The following CACNA2D3 variants were observed in gnomAD, a reference collection of about 807,000 sequenced individuals.
CACNA2D3 encodes the protein calcium voltage-gated channel auxiliary subunit alpha2delta 3.
A neutral mutation model predicts 160.6 loss-of-function variants in CACNA2D3; 60 were observed. The ratio of observed to expected loss-of-function variants is 0.37; its 90% CI spans 0.30 to 0.46. The LOEUF (loss-of-function observed/expected upper bound fraction) is 0.46, where lower values mean the gene tolerates loss of function less well. Ranked by LOEUF, CACNA2D3 falls within the 20% of genes least tolerant of loss-of-function variation. The pLI is 1.00. For synonymous variants in CACNA2D3, 558 were observed against 492.9 expected (o/e 1.13, Z -1.75); for missense variants, 1,205 against 1,365.0 (o/e 0.88, Z 1.85).
chr3:54,366,651 C>G (rs1457990548), intron 3 of CACNA2D3, among the ~76,000 whole-genome samples: 2 of 152,176 alleles, frequency 1.3e-5, no homozygotes, highest in Non-Finnish European at 2.9e-5. Flanking sequence ...CTTTATACAA[C>G]TGAAAAACCA....
intron 27 of CACNA2D3, among the ~76,000 whole-genome samples, chr3:54,937,971 A>G (rs141760553): frequency 6.4e-4 from 98 of 152,350 alleles, no homozygotes; most frequent in African/African-American, 2.3e-3. Context: ...GACCATAACC[A>G]GAGAAAAGCC....
chr3:54,301,138 T>C (rs1191371333), intron 2 of CACNA2D3, among the ~76,000 whole-genome samples: 3 of 151,898 alleles, frequency 2.0e-5, no homozygotes, highest in African/African-American at 7.3e-5. Context: ...AGATGTGTAG[T>C]CCCAGCTACT....
chr3:54,384,160 T>A (rs554174354), intron 3 of CACNA2D3, among the ~76,000 whole-genome samples: 33 of 152,328 alleles, frequency 2.2e-4, no homozygotes, highest in Non-Finnish European at 3.8e-4. Flanking sequence ...GTCTTGGTAA[T>A]TGTGTAGTTT....
intron 27 of CACNA2D3, among the ~76,000 whole-genome samples, chr3:54,963,305 G>T (rs1160594651): frequency 6.6e-6 from 1 of 151,998 alleles, no homozygotes; most frequent in Non-Finnish European, 1.5e-5. Context: ...GTGGAGAATT[G>T]TACCTTCCAT....
chr3:54,754,298 A>G (rs1220727852), intron 12 of CACNA2D3, among the ~76,000 whole-genome samples: 1 of 152,212 alleles, frequency 6.6e-6, no homozygotes, highest in Non-Finnish European at 1.5e-5. Flanking sequence ...GTCGTATCCA[A>G]GTCGAGCAGT....
chr3:54,676,636 G>T (rs1575417961), intron 11 of CACNA2D3, among the ~76,000 whole-genome samples: 1 of 152,188 alleles, frequency 6.6e-6, no homozygotes, highest in Non-Finnish European at 1.5e-5. Context: ...CTTCCCATAG[G>T]CTGGCAGGAA....
intron 27 of CACNA2D3, among the ~76,000 whole-genome samples, chr3:54,933,105 CTTCCTTCCTTCTTTCT>C (rs1317870221): frequency 0.026 from 2,104 of 81,392 alleles, 30 homozygotes; most frequent in Non-Finnish European, 0.036. Flanking sequence ...TCCTTCCTTC[CTTCCTTCCTTCTTTCT>C]GGACCTCTGC....
At position 54,421,630 on chromosome 3, in the gene CACNA2D3, C is replaced by T. The variant is rs142638693; in HGVS notation, c.381+34856C>T. 4.3e-4 allele frequency among the ~76,000 whole-genome samples: 66 copies of T among 152,104 alleles called. No individual in the cohort carries two copies. The East Asian group carries it at 0.012, about 28-fold the overall frequency. ...TGGACTCCACAGAGGGGTGGGGCAGCGGTTGTTGTCATATTTGCTTTTTCT... is the reference window on the plus strand; with the variant it reads ...TGGACTCCACAGAGGGGTGGGGCAGTGGTTGTTGTCATATTTGCTTTTTCT... On this transcript the variant is annotated intron_variant, in intron 4 of 37. Coordinates refer to ENST00000474759, the MANE Select transcript of CACNA2D3 (RefSeq NM_018398.3).
At position 54,960,712 on chromosome 3, in the gene CACNA2D3, C is replaced by T. The variant is rs551438990; in HGVS notation, c.2450-7738C>T. Among the ~76,000 whole-genome samples, 15 of 152,284 alleles carry T rather than the reference C, an allele frequency of 9.9e-5. No individual in the cohort carries two copies. The South Asian group carries it at 2.1e-3, about 21-fold the overall frequency. On this transcript the variant is annotated intron_variant, in intron 27 of 37. Transcript: ENST00000474759. ...TTCCCTTCCTTCCCCCTCATCTTCCCGAGGATACTCTGTTCTCAGTTTTGC... is the reference window on the plus strand; with the variant it reads ...TTCCCTTCCTTCCCCCTCATCTTCCTGAGGATACTCTGTTCTCAGTTTTGC...
intron 37 of CACNA2D3, 122 bp from the exon 38 acceptor site, chr3:55,073,992 C>T: frequency 2.8e-6 from 3 of 1,078,042 alleles, no homozygotes; most frequent in Non-Finnish European, 4.2e-6. Flanking sequence ...ACTGAATCTG[C>T]ACCATCATCT....
chr3:54,314,140 G>C (rs372716721), intron 2 of CACNA2D3, among the ~76,000 whole-genome samples: 1 of 152,130 alleles, frequency 6.6e-6, no homozygotes, highest in African/African-American at 2.4e-5. Context: ...CCACTTATAA[G>C]TGAGAACATA....
intron 13 of CACNA2D3, among the ~76,000 whole-genome samples, chr3:54,802,575 C>G (rs1410066252): frequency 6.6e-6 from 1 of 152,022 alleles, no homozygotes; most frequent in Non-Finnish European, 1.5e-5. Context: ...TGGTGTGTAC[C>G]TAAGAGATAC....
At chr3:55,009,739 TG>T (rs1703170158) in intron 34 of CACNA2D3, among the ~76,000 whole-genome samples, 1 of 152,212 alleles carries the variant, frequency 6.6e-6, no homozygotes, top group African/African-American at 2.4e-5. Flanking sequence ...TCATGGGCAA[TG>T]CTGAAATAGA....
chr3:54,656,495 G>C (rs1174570925), intron 11 of CACNA2D3, among the ~76,000 whole-genome samples: 3 of 152,214 alleles, frequency 2.0e-5, no homozygotes, highest in African/African-American at 7.2e-5. Flanking sequence ...GCCTGTCCAT[G>C]AACTCATCGG....
chr3:54,461,089 C>A (rs1031677292), intron 4 of CACNA2D3, among the ~76,000 whole-genome samples: 17 of 151,856 alleles, frequency 1.1e-4, no homozygotes, highest in African/African-American at 3.4e-4. Context: ...TATTGATTTG[C>A]GTATATTGAA....
chr3:54,594,808 C>G (rs1328675523), intron 9 of CACNA2D3, among the ~76,000 whole-genome samples: 1 of 152,136 alleles, frequency 6.6e-6, no homozygotes, highest in Non-Finnish European at 1.5e-5. Context: ...ACCTGGGGTC[C>G]TGGGCCCAGA....
At chr3:54,230,515 A>G (rs1411824222) in intron 2 of CACNA2D3, among the ~76,000 whole-genome samples, 2 of 152,350 alleles carry the variant, frequency 1.3e-5, no homozygotes, top group East Asian at 3.9e-4. Context: ...CTATGAATAA[A>G]AGGCTCATCT....
intron 4 of CACNA2D3, among the ~76,000 whole-genome samples, chr3:54,403,197 TA>T (rs1158154301): frequency 6.6e-6 from 1 of 150,772 alleles, no homozygotes; most frequent in Non-Finnish European, 1.5e-5. Flanking sequence ...CTGCAAAAAA[TA>T]AAAAAAAGTA....
At chr3:54,317,103 GT>G (rs1703880619) in intron 2 of CACNA2D3, among the ~76,000 whole-genome samples, 1 of 152,152 alleles carries the variant, frequency 6.6e-6, no homozygotes, top group East Asian at 1.9e-4. Context: ...TTCAATGTTG[GT>G]TTTTGGAGCA....
Sources: gnomAD v4.1 joint callset for allele counts (sites outside exome capture counted in the v4.1 genomes callset) on GRCh38, gnomAD v4.1.1 for gene constraint, MANE v1.5 for transcripts, NCBI Gene and HGNC (gene_info 2026-07-23, HGNC 2026-07-21) for gene names.